Variants in SUPT7L observed in about 807,000 individuals in gnomAD.
The protein encoded by SUPT7L is SPT7 like, STAGA complex subunit gamma, also known as STAGA complex 65 subunit gamma.
A neutral mutation model predicts 35.7 loss-of-function variants in SUPT7L; 15 were observed. That is an observed-to-expected ratio of 0.42 (90% CI 0.28 to 0.65). SUPT7L has a LOEUF of 0.65. SUPT7L is among the 30% of genes least tolerant of loss of function. The pLI is 0.23. For synonymous variants in SUPT7L, 168 were observed against 186.2 expected (o/e 0.90, Z 0.79); for missense variants, 434 against 522.2 (o/e 0.83, Z 1.65).
intron 3 of SUPT7L, among the ~76,000 whole-genome samples, chr2:27,658,386 G>A (rs539538921): frequency 7.2e-5 from 11 of 152,182 alleles, no homozygotes; most frequent in South Asian, 4.1e-4. Flanking sequence ...TCCAGAAACC[G>A]TATCCTGCAT....
chr2:27,643,367 T>G, the SUPT7L span, among the ~76,000 whole-genome samples: 1 of 152,134 alleles, frequency 6.6e-6, no homozygotes, highest in Admixed American at 6.5e-5. This position sits in a 1 kb window ranked among gnomAD's most constrained non-coding sequence, Gnocchi z 4.0. Flanking sequence ...ATATATATTT[T>G]TCCTGAATCA....
rs760005743 is a variant in SUPT7L, at chr2:27,663,586, C to T, written c.-347G>A. The T allele has an allele frequency of 3.1e-6, 2 of 636,000 alleles. No homozygotes were observed. The highest frequency in any genetic ancestry group is 5.4e-6 in the Non-Finnish European group (2 of 370,152). The allele number at this position is 636,000 out of a possible 1,614,324, so 39.4% of individuals were successfully genotyped here. A position where few individuals can be genotyped will look rare whatever the true frequency, so the allele number is the denominator to read the frequency against. On this transcript the variant is annotated 5_prime_UTR_variant, in exon 1 of 6. Coordinates refer to ENST00000337768, the MANE Select transcript of SUPT7L (RefSeq NM_014860.3). ...CCTGAGGCAAGGATCGCGTCAGACC[C>T]CGAAAGCTGGTTTGTTGATTAGTGA...
chr2:27,662,254 C>G lies in SUPT7L; in HGVS notation c.-62G>C. On this transcript the variant is annotated 5_prime_UTR_variant, in exon 2 of 6. Transcript: ENST00000337768. ...CAAATGCCAGGCATTCTGTGTCGGT[C>G]AAAGACTGATAATGTGAGATCCTTG... 1 of 1,561,694 alleles carries G rather than the reference C, an allele frequency of 6.4e-7. No homozygotes were observed.
rs758523714 is a variant in SUPT7L, at chr2:27,655,582, T to G, written c.765A>C (p.Glu255Asp). The G allele has an allele frequency of 1.3e-6, 2 of 1,596,378 alleles. No homozygotes were observed. The highest frequency in any genetic ancestry group is 1.8e-5 in the Admixed American group (1 of 55,514). ...YMLQISKQLS[E>D]EYERIVNPEK... The stretch of plus-strand genomic sequence containing the variant: ...CAGGATTGACAATCCTTTCATATTC[T>G]TCAGAGAGTTGCTTACTAATCTGTT... The change falls in exon 5 of 6, where the codon GAA (glutamate) becomes GAC (aspartate). Residue 255 changes from glutamate to aspartate, a missense_variant. Physicochemically the swap from Glu to Asp is conservative, Grantham distance 45. Coordinates refer to ENST00000337768, the MANE Select transcript of SUPT7L (RefSeq NM_014860.3).
downstream of SUPT7L, among the ~76,000 whole-genome samples, chr2:27,646,517 A>G (rs1674240315): frequency 6.6e-6 from 1 of 151,954 alleles, no homozygotes; most frequent in South Asian, 2.1e-4. Flanking sequence ...TTTTAGTTTT[A>G]TCATTGGCTC....
At chr2:27,650,345 TG>T (rs1299284128), downstream of SUPT7L, 8 of 527,936 alleles carry the variant, frequency 1.5e-5, no homozygotes, top group Non-Finnish European at 2.4e-5. Flanking sequence ...AGAGAAATCT[TG>T]TGACTCAGAT....
At position 27,657,499 on chromosome 2, in the gene SUPT7L, A is replaced by G. The variant is rs1674859148; in HGVS notation, c.590T>C (p.Leu197Pro). 6.2e-6 allele frequency: 10 copies of G among 1,614,260 alleles called. No individual in the cohort carries two copies. The highest frequency in any genetic ancestry group is 8.5e-6 in the Non-Finnish European group (10 of 1,180,042). ...GGCCTCCCGGTCCACAGCAAAACGC[A>G]GCAACTTGGTAAACTTAAGGCAATA... ...HEYCLKFTKLLRFAVDREARL... is the reference protein window; with the variant it reads ...HEYCLKFTKLPRFAVDREARL... The change falls in exon 4 of 6, where the codon CTG becomes CCG. Residue 197 changes from leucine (L) to proline (P), a missense_variant. By Grantham distance (98) the Leu-to-Pro change is moderately conservative (BLOSUM62 -3). Coordinates refer to ENST00000337768, the MANE Select transcript of SUPT7L (RefSeq NM_014860.3). This position sits in a 1 kb window ranked among gnomAD's most constrained non-coding sequence, Gnocchi z 5.2.
chr2:27,658,982 G>A (rs914312572), intron 3 of SUPT7L, among the ~76,000 whole-genome samples: 1 of 152,116 alleles, frequency 6.6e-6, no homozygotes, highest in Non-Finnish European at 1.5e-5. Flanking sequence ...ACTTTTGATG[G>A]TCATGGCTCT....
downstream of SUPT7L, among the ~76,000 whole-genome samples, chr2:27,648,139 G>C (rs1173538015): frequency 6.6e-6 from 1 of 152,204 alleles, no homozygotes; most frequent in African/African-American, 2.4e-5. Context: ...CAGGCCTTTC[G>C]TTGGTCTTGT....
At chr2:27,654,490 G>A (rs974273120) in intron 5 of SUPT7L, among the ~76,000 whole-genome samples, 5 of 152,296 alleles carry the variant, frequency 3.3e-5, no homozygotes, top group Non-Finnish European at 5.9e-5. Context: ...TAACTGACAC[G>A]TAACCAGTCA....
chr2:27,659,235 GATATA>G (rs1323803281), intron 3 of SUPT7L, among the ~76,000 whole-genome samples: 1 of 152,168 alleles, frequency 6.6e-6, no homozygotes, highest in Non-Finnish European at 1.5e-5. Context: ...AATGGACCTT[GATATA>G]ATCTGGCCTT....
rs1485609744 is a variant in SUPT7L, at chr2:27,661,206, G to A, written c.197C>T (p.Thr66Met). 18 of 1,613,962 alleles carry A rather than the reference G, an allele frequency of 1.1e-5. No individual in the cohort carries two copies. Among genetic ancestry groups the A allele is most frequent in the South Asian group, 3.3e-5 (3 of 91,086 alleles). Residue 66 changes from threonine (T) to methionine (M), a missense_variant, in exon 3 of 6, where the codon ACG becomes ATG. Around this residue, in one of 3 missense-constraint regions of SUPT7L, gnomAD observed 77 missense variants for 114.4 expected, o/e 0.67. Transcript: ENST00000337768. ...TCGGTTGTGCTGAATCAACTGAATC[G>A]TATGGATGGTGAGACTACATGGCTC... ...PSEPCSLTIH[T>M]IQLIQHNRRL... is the part of the protein sequence containing the mutation.
At chr2:27,644,631 A>G in the SUPT7L span, among the ~76,000 whole-genome samples, 1 of 150,540 alleles carries the variant, frequency 6.6e-6, no homozygotes, top group Admixed American at 6.6e-5. Context: ...TATAAGGTAT[A>G]TAAGTCGGTG....
At position 27,655,521 on chromosome 2, in the gene SUPT7L, T is replaced by G. The variant is rs1170229229; in HGVS notation, c.826A>C (p.Lys276Gln). 4.3e-6 allele frequency: 7 copies of G among 1,614,100 alleles called. No homozygotes were observed. Among genetic ancestry groups the G allele is most frequent in the Non-Finnish European group, 5.9e-6 (7 of 1,180,000 alleles). The change falls in exon 5 of 6, where the codon AAG becomes CAG. Residue 276 changes from lysine to glutamine, a missense_variant. By Grantham distance (53) the Lys-to-Gln change is moderately conservative. Transcript: ENST00000337768. ...ATEDAKPVKI[K>Q]EEPVSDITFP... ...GTGATGTCGCTCACAGGTTCCTCCT[T>G]GATCTTCACAGGTTTAGCGTCCTCT...
At chr2:27,655,264 T>G (rs1182507063) in intron 5 of SUPT7L, 101 bp downstream of exon 5, 2 of 1,062,864 alleles carry the variant, frequency 1.9e-6, no homozygotes, top group Non-Finnish European at 2.7e-6. Flanking sequence ...TGCCCACTGC[T>G]GCTTTTGTTC....
At chr2:27,643,339 A>T in the SUPT7L span, among the ~76,000 whole-genome samples, 1 of 151,738 alleles carries the variant, frequency 6.6e-6, no homozygotes, top group Admixed American at 6.6e-5. The surrounding 1 kb of genome is among the most constrained non-coding windows in gnomAD (Gnocchi z 4.0). Context: ...TCTATATATG[A>T]CTTTATATGT....
rs901790537 is a variant in SUPT7L at position 27,651,059 on chromosome 2, C to G, written c.*2426G>C. Reference sequence around the variant, plus strand: ...TTGTACTCTGAACTTAATGCAAAGTCTCCTTGGTGATTTTCGCAAAGTCCG... The same window carrying G: ...TTGTACTCTGAACTTAATGCAAAGTGTCCTTGGTGATTTTCGCAAAGTCCG... On this transcript the variant is annotated 3_prime_UTR_variant, in exon 6 of 6. Coordinates refer to ENST00000337768, the MANE Select transcript of SUPT7L (RefSeq NM_014860.3). 6.6e-6 allele frequency: 1 copy of G among 152,354 alleles called. No individual in the cohort carries two copies. The highest frequency in any genetic ancestry group is 1.5e-5 in the Non-Finnish European group (1 of 68,046). 9.4% of individuals were successfully genotyped at this position (152,354 alleles called of 1,614,324 possible).
At chr2:27,646,409 G>A (rs563938503), downstream of SUPT7L, among the ~76,000 whole-genome samples, 150 of 152,278 alleles carry the variant, frequency 9.9e-4, no homozygotes, top group African/African-American at 3.0e-3. Flanking sequence ...TTTCTGGACC[G>A]TTACATCTTA....
intron 5 of SUPT7L, 131 bp downstream of exon 5, chr2:27,655,233 TC>T (rs1674738372): frequency 2.8e-6 from 2 of 707,146 alleles, no homozygotes; most frequent in Admixed American, 5.7e-5. Flanking sequence ...GAAACTGTAT[TC>T]GTTTTAGGAC....
Sources: allele counts gnomAD v4.1 joint callset (sites outside exome capture counted in the v4.1 genomes callset), GRCh38; gene constraint gnomAD v4.1.1; regional missense constraint gnomAD v4.1.1; non-coding constraint Gnocchi (gnomAD v3.1); transcripts MANE v1.5; gene names NCBI Gene and HGNC (gene_info 2026-07-23, HGNC 2026-07-21).